Variants in ALK observed in about 807,000 individuals in gnomAD.
The protein encoded by ALK is ALK tyrosine kinase receptor.
In ALK, 74 loss-of-function variants were observed where a neutral mutation model predicts 163.1. That is an observed-to-expected ratio of 0.45 (90% CI 0.38 to 0.55). The LOEUF is 0.55. Among genes scored for constraint, ALK ranks in the 20% least tolerant of loss-of-function variants. The pLI, the probability that ALK is intolerant of heterozygous loss-of-function variation, is 0.00. For synonymous variants in ALK, 960 were observed against 843.2 expected, an observed-to-expected ratio of 1.14 and a Z score of -2.40; for missense variants, 2,063 against 2,105.3, an observed-to-expected ratio of 0.98 and a Z score of 0.39.
At chr2:29,894,721 C>A (rs1483712930) in intron 1 of ALK, among the ~76,000 whole-genome samples, 5 of 151,978 alleles carry the variant, frequency 3.3e-5, no homozygotes, top group East Asian at 1.9e-4. Flanking sequence ...TCTAAAGCAC[C>A]TTTTTGAATG....
At chr2:29,540,580 G>GTT (rs369817314) in intron 3 of ALK, among the ~76,000 whole-genome samples, 1 of 74,570 alleles carries the variant, frequency 1.3e-5, no homozygotes. Context: ...GAAGAATTAT[G>GTT]TTTTTTTTTT....
chr2:29,397,248 T>A (rs1669333768), intron 4 of ALK, among the ~76,000 whole-genome samples: 1 of 151,996 alleles, frequency 6.6e-6, no homozygotes, highest in Non-Finnish European at 1.5e-5. Context: ...CAGAGGGGAA[T>A]TTGGACACAG....
intron 4 of ALK, among the ~76,000 whole-genome samples, chr2:29,471,894 AC>A (rs1230330220): frequency 2.0e-5 from 3 of 152,280 alleles, no homozygotes; most frequent in Non-Finnish European, 2.9e-5. Context: ...GGTGGTCCCC[AC>A]CACATCCAGG....
chr2:29,354,311 T>A (rs1187230497), intron 5 of ALK, among the ~76,000 whole-genome samples: 1 of 152,174 alleles, frequency 6.6e-6, no homozygotes, highest in Non-Finnish European at 1.5e-5. Context: ...AGGGAAGCGC[T>A]TTCACAAGCT....
At chr2:29,327,928 T>C (rs960647711) in intron 6 of ALK, among the ~76,000 whole-genome samples, 8 of 151,986 alleles carry the variant, frequency 5.3e-5, no homozygotes, top group African/African-American at 1.9e-4. Context: ...CATGGAGGCA[T>C]GAAGGATCTG....
In ALK at chr2:29,364,522, A is replaced by G. The variant is rs181000543; in HGVS notation, c.1282+19210T>C. Among the ~76,000 whole-genome samples, 65 of 152,364 alleles carry G rather than the reference A, an allele frequency of 4.3e-4. 1 individual carries two copies. In the East Asian group the frequency reaches 0.01, roughly 24 times the overall value. ...TCTGAAGGACACACCATCCTTGAGC[A>G]TGGAGCCAACTATCCTTCCTTACAT... On this transcript the variant is annotated intron_variant, in intron 5 of 28. Transcript: ENST00000389048.
intron 9 of ALK, among the ~76,000 whole-genome samples, chr2:29,296,170 CTG>C (rs1195174226): frequency 6.6e-6 from 1 of 152,220 alleles, no homozygotes; most frequent in Non-Finnish European, 1.5e-5. Flanking sequence ...GGTGAGGAAA[CTG>C]AGGCCCAAAG....
chr2:29,768,375 G>T (rs1680921275), intron 1 of ALK, among the ~76,000 whole-genome samples: 1 of 152,136 alleles, frequency 6.6e-6, no homozygotes, highest in African/African-American at 2.4e-5. Context: ...TCCACCTCAG[G>T]AAATCTACTC....
rs769390697 is a variant in ALK, at chr2:29,239,690, G to A, written c.2345C>T (p.Ala782Val). Residue 782 changes from alanine to valine, a missense_variant, in exon 13 of 29, where the codon GCC (alanine) becomes GTC (valine). Around this residue, in one of 5 missense-constraint regions of ALK, gnomAD observed 575 missense variants for 626.6 expected, o/e 0.92. Coordinates refer to ENST00000389048, the MANE Select transcript of ALK (RefSeq NM_004304.5). ...YILVGQQGED[A>V]CPSTNQLIQK... ...GCTCTGGGCACTTACACTGGGGCAG[G>A]CGTCCTCTCCCTGCTGCCCAACCAG... is the stretch of plus-strand genomic sequence containing the variant. 6.2e-7 allele frequency: 1 copy of A among 1,613,908 alleles called. No individual in the cohort carries two copies. The highest frequency in any genetic ancestry group is 1.1e-5 in the South Asian group (1 of 91,078).
chr2:29,336,385 C>T (rs2148266371), intron 5 of ALK, among the ~76,000 whole-genome samples: 1 of 152,326 alleles, frequency 6.6e-6, no homozygotes, highest in Admixed American at 6.5e-5. Context: ...AGCCACACAC[C>T]CAGCAAACTT....
chr2:29,332,548 C>T (rs1293560584), intron 5 of ALK, among the ~76,000 whole-genome samples: 1 of 152,142 alleles, frequency 6.6e-6, no homozygotes, highest in Non-Finnish European at 1.5e-5. Flanking sequence ...AGAATCCCAC[C>T]ACCCAGAGGC....
At position 29,287,430 on chromosome 2, in the gene ALK, C is replaced by T. The variant is rs561890693; in HGVS notation, c.1817+9458G>A. On this transcript the variant is annotated intron_variant, in intron 9 of 28. Transcript: ENST00000389048. ...CAAGACCTTCAACTGAATTATGTAA[C>T]CATTTTCTTTGATTCTTACATGTGC... 3.9e-5 allele frequency among the ~76,000 whole-genome samples: 6 copies of T among 152,186 alleles called. No individual in the cohort carries two copies. In the East Asian group the frequency reaches 7.7e-4, roughly 20 times the overall value.
intron 1 of ALK, among the ~76,000 whole-genome samples, chr2:29,732,738 C>A (rs1248453028): frequency 6.6e-6 from 1 of 152,130 alleles, no homozygotes; most frequent in Non-Finnish European, 1.5e-5. Flanking sequence ...AGAACCCTCA[C>A]CCCTTCCACC....
chr2:29,422,386 A>C (rs1670035597), intron 4 of ALK, among the ~76,000 whole-genome samples: 1 of 151,156 alleles, frequency 6.6e-6, no homozygotes, highest in Non-Finnish European at 1.5e-5. Context: ...GGTTCTACTC[A>C]CTCAGATGAA....
intron 3 of ALK, among the ~76,000 whole-genome samples, chr2:29,675,314 T>G (rs1469515053): frequency 6.6e-6 from 1 of 152,136 alleles, no homozygotes; most frequent in East Asian, 1.9e-4. Context: ...TTGATGCACA[T>G]TTAAAGCAGA....
At chr2:29,453,090 G>A (rs1670863035) in intron 4 of ALK, among the ~76,000 whole-genome samples, 1 of 152,162 alleles carries the variant, frequency 6.6e-6, no homozygotes, top group Non-Finnish European at 1.5e-5. Context: ...ATAGCTAAGA[G>A]AATTGTATCA....
chr2:29,437,162 C>T (rs923194517), intron 4 of ALK, among the ~76,000 whole-genome samples: 2 of 152,146 alleles, frequency 1.3e-5, no homozygotes, highest in Non-Finnish European at 2.9e-5. Flanking sequence ...GACATGTGAA[C>T]ACTCTACAGC....
At chr2:29,831,259 G>GAAGAAGAAGAAGAAGAAGAAGAAGAA (rs1665405322) in intron 1 of ALK, among the ~76,000 whole-genome samples, 6 of 28,150 alleles carry the variant, frequency 2.1e-4, no homozygotes, top group South Asian at 2.7e-3. Context: ...AAGAGGAAGA[G>GAAGAAGAAGAAGAAGAAGAAGAAGAA]GAAGAAGAAG....
At chr2:29,197,892 C>A (rs920045032) in intron 26 of ALK, among the ~76,000 whole-genome samples, 5 of 152,112 alleles carry the variant, frequency 3.3e-5, no homozygotes, top group Non-Finnish European at 7.4e-5. Context: ...ATTTTTAAGT[C>A]GTTTCTGTGC....
Sources: gnomAD v4.1 joint callset for allele counts (sites outside exome capture counted in the v4.1 genomes callset) on GRCh38, gnomAD v4.1.1 for gene constraint, gnomAD v4.1.1 regional missense constraint, MANE v1.5 for transcripts, NCBI Gene and HGNC (gene_info 2026-07-23, HGNC 2026-07-21) for gene names.